The following ASIC2 variants were observed in gnomAD, a reference collection of about 807,000 sequenced individuals.
ASIC2 encodes acid sensing ion channel subunit 2.
Under a neutral mutation model 57.3 loss-of-function variants are expected in ASIC2, and 25 were observed. The ratio of observed to expected loss-of-function variants is 0.44; its 90% CI spans 0.32 to 0.61. The LOEUF is 0.61. ASIC2 is among the 20% of genes least tolerant of loss of function. The pLI, the probability that ASIC2 is intolerant of heterozygous loss-of-function variation, is 0.06. For synonymous variants in ASIC2, 319 were observed against 307.5 expected, an observed-to-expected ratio of 1.04 and a Z score of -0.39; for missense variants, 641 against 738.1, an observed-to-expected ratio of 0.87 and a Z score of 1.52.
chr17:33,335,371 A>G (rs763791576), intron 1 of ASIC2, among the ~76,000 whole-genome samples: 29 of 152,234 alleles, frequency 1.9e-4, no homozygotes, highest in Non-Finnish European at 3.5e-4. Context: ...CATATATTCC[A>G]TTCCAGCTAA....
intron 1 of ASIC2, among the ~76,000 whole-genome samples, chr17:33,737,367 A>G (rs1201194672): frequency 6.6e-6 from 1 of 152,166 alleles, no homozygotes; most frequent in Non-Finnish European, 1.5e-5. Context: ...CCATGCTGTG[A>G]CTCCCTAAAT....
At chr17:33,423,051 T>C (rs1206684761) in intron 1 of ASIC2, among the ~76,000 whole-genome samples, 1 of 152,074 alleles carries the variant, frequency 6.6e-6, no homozygotes, top group Non-Finnish European at 1.5e-5. Context: ...GGGGAGGTGG[T>C]GGTGGGAGTG....
chr17:33,951,805 G>A (rs1382076185), intron 1 of ASIC2, among the ~76,000 whole-genome samples: 1 of 151,116 alleles, frequency 6.6e-6, no homozygotes, highest in African/African-American at 2.4e-5. Context: ...TGTTGGCCAG[G>A]CTGGTCTTGA....
At chr17:33,578,417 AC>A (rs1916712038) in intron 1 of ASIC2, among the ~76,000 whole-genome samples, 1 of 152,188 alleles carries the variant, frequency 6.6e-6, no homozygotes, top group Non-Finnish European at 1.5e-5. Context: ...AGGCTCTGCT[AC>A]CTTACTCATT....
chr17:33,132,720 T>C (rs551213540), intron 1 of ASIC2, among the ~76,000 whole-genome samples: 3 of 152,374 alleles, frequency 2.0e-5, no homozygotes, highest in African/African-American at 7.2e-5. Flanking sequence ...CCTGGCTTTA[T>C]GCAGGCATCT....
At chr17:33,151,576 T>C (rs1904801980) in intron 1 of ASIC2, among the ~76,000 whole-genome samples, 1 of 152,134 alleles carries the variant, frequency 6.6e-6, no homozygotes, top group African/African-American at 2.4e-5. Flanking sequence ...GTGGGACTTT[T>C]AAGGGGTGTT....
intron 1 of ASIC2, among the ~76,000 whole-genome samples, chr17:34,055,755 T>C (rs1377092828): frequency 6.6e-6 from 1 of 152,242 alleles, no homozygotes; most frequent in Non-Finnish European, 1.5e-5. Context: ...AAATATACAA[T>C]ATGTTTGTCA....
At chr17:33,504,277 C>A (rs935792799) in intron 1 of ASIC2, among the ~76,000 whole-genome samples, 1 of 152,228 alleles carries the variant, frequency 6.6e-6, no homozygotes, top group African/African-American at 2.4e-5. Context: ...TCCTGACTGT[C>A]AGATTGCTAT....
chr17:33,815,702 A>G (rs1912558467), intron 1 of ASIC2, among the ~76,000 whole-genome samples: 1 of 152,068 alleles, frequency 6.6e-6, no homozygotes, highest in African/African-American at 2.4e-5. Context: ...TCCCTAAATG[A>G]ATTGATTTGT....
At chr17:33,485,937 GGTCCACTGTGTCA>G (rs1358923094) in intron 1 of ASIC2, among the ~76,000 whole-genome samples, 1 of 152,190 alleles carries the variant, frequency 6.6e-6, no homozygotes, top group Non-Finnish European at 1.5e-5. Flanking sequence ...TGCTCTGTCT[GGTCCACTGTGTCA>G]GGGGGCACAT....
At chr17:33,111,830 G>A in intron 2 of ASIC2, 87 bp downstream of exon 2, 1 of 1,496,344 alleles carries the variant, frequency 6.7e-7, no homozygotes, top group Non-Finnish European at 8.9e-7. Context: ...CCCTCACAGG[G>A]TGGGCCAAGA....
intron 1 of ASIC2, among the ~76,000 whole-genome samples, chr17:33,789,736 G>T (rs2637358): frequency 6.6e-6 from 1 of 152,114 alleles, no homozygotes; most frequent in African/African-American, 2.4e-5. Flanking sequence ...TTGTGTTTTA[G>T]ATACATTTGT....
chr17:33,051,055 T>C (rs1020039238), intron 3 of ASIC2, among the ~76,000 whole-genome samples: 1 of 152,136 alleles, frequency 6.6e-6, no homozygotes, highest in African/African-American at 2.4e-5. Flanking sequence ...TATAGTCCCA[T>C]ACCAAGGTAC....
At chr17:33,464,612 TTTTTTCTTTCC>T (rs1265426719) in intron 1 of ASIC2, among the ~76,000 whole-genome samples, 3 of 148,924 alleles carry the variant, frequency 2.0e-5, no homozygotes, top group East Asian at 1.9e-4. Context: ...TCTTCCTTTC[TTTTTTCTTTCC>T]TTTTTCTTTT....
chr17:33,019,152 T>G (rs924642689), intron 7 of ASIC2, among the ~76,000 whole-genome samples: 6 of 151,984 alleles, frequency 3.9e-5, no homozygotes, highest in African/African-American at 1.5e-4. Flanking sequence ...ACGTGTGCAG[T>G]GTGAGTCTGT....
intron 1 of ASIC2, among the ~76,000 whole-genome samples, chr17:33,553,079 G>A (rs1012379827): frequency 6.6e-6 from 1 of 152,144 alleles, no homozygotes; most frequent in Non-Finnish European, 1.5e-5. Flanking sequence ...GACTCCTAGA[G>A]TTCTGGCAAT....
intron 1 of ASIC2, among the ~76,000 whole-genome samples, chr17:34,040,404 G>A (rs1908082305): frequency 1.0e-5 from 1 of 98,744 alleles, no homozygotes; most frequent in African/African-American, 8.5e-5. Flanking sequence ...AGGCAGGGGG[G>A]GTCCTGGGGG....
intron 1 of ASIC2, among the ~76,000 whole-genome samples, chr17:33,864,293 A>G (rs1247618481): frequency 1.3e-5 from 2 of 152,228 alleles, no homozygotes; most frequent in Non-Finnish European, 2.9e-5. Flanking sequence ...TTATGGGGAA[A>G]AAAAGTCAAT....
intron 1 of ASIC2, among the ~76,000 whole-genome samples, chr17:33,897,046 G>T (rs867422562): frequency 1.8e-4 from 27 of 152,258 alleles, no homozygotes; most frequent in Middle Eastern, 3.4e-3. Context: ...TTTTACTAAA[G>T]CTCCCCAAAA....
Sources: gnomAD v4.1 joint callset for allele counts (sites outside exome capture counted in the v4.1 genomes callset) on GRCh38, gnomAD v4.1.1 for gene constraint, MANE v1.5 for transcripts, NCBI Gene and HGNC (gene_info 2026-07-23, HGNC 2026-07-21) for gene names.